IPO13: variants seen among roughly 807,000 people sequenced by gnomAD.
IPO13 encodes the protein importin 13.
In IPO13, 28 loss-of-function variants were observed where a neutral mutation model predicts 115.5. The observed-to-expected ratio is 0.24, with a 90% CI of 0.18 to 0.33. IPO13 has a LOEUF of 0.33. Among genes scored for constraint, IPO13 ranks in the 10% least tolerant of loss-of-function variants. IPO13 has a pLI of 1.00. For synonymous variants in IPO13, 414 were observed against 478.9 expected (o/e 0.86, Z 1.77); for missense variants, 785 against 1,204.6 (o/e 0.65, Z 5.16).
chr1:43,961,074 C>T (rs550152634), intron 13 of IPO13, 61 bp downstream of exon 13: 10 of 1,610,328 alleles, frequency 6.2e-6, no homozygotes, highest in African/African-American at 5.3e-5. Flanking sequence ...AGATGGCTGC[C>T]GTGGCTGGGG....
In IPO13 at chr1:43,949,825, G is replaced by T. The variant is rs770761423; in HGVS notation, c.493G>T (p.Ala165Ser). Residue 165 changes from alanine (A) to serine (S), a missense_variant, in exon 2 of 20, where the codon GCC becomes TCC. By Grantham distance (99) the Ala-to-Ser change is moderately conservative (BLOSUM62 1). This residue lies in a region of IPO13 where 325 missense variants were observed against 449.8 expected (regional missense o/e 0.72). Transcript: ENST00000372343. ...SPVDGQGRCL[A>S]LLELLTVLPE... The stretch of plus-strand genomic sequence containing the variant: ...AGTGGATGGGCAGGGCCGCTGCCTA[G>T]CCCTGTTAGAGCTGCTGACAGTGCT... 1 of 1,613,690 alleles carries T rather than the reference G, an allele frequency of 6.2e-7. No homozygotes were observed. Among genetic ancestry groups the T allele is most frequent in the Non-Finnish European group, 8.5e-7 (1 of 1,179,970 alleles).
Position 43,966,083 on chromosome 1 carries a change from G to C in IPO13, c.2398-492G>C, listed in dbSNP as rs2154302460. ...CCTGCTGTACTTTTCTTCTTTTTGA[G>C]CAGGAGCTGGAGGGTGCCTCAGGAA... On this transcript the variant is annotated intron_variant, in intron 15 of 19. Transcript: ENST00000372343. This position sits in a 1 kb window ranked among gnomAD's most constrained non-coding sequence, Gnocchi z 4.1. 5.1e-6 allele frequency: 1 copy of C among 194,760 alleles called. No individual in the cohort carries two copies. The highest frequency in any genetic ancestry group is 9.2e-5 in the South Asian group (1 of 10,908). 12.1% of individuals were successfully genotyped at this position (194,760 alleles called of 1,614,324 possible).
rs945141242 is a variant in IPO13 at position 43,952,824 on chromosome 1, C to T, written c.821+2671C>T. ...GCATGGTTCCTATATACTCTGTAAA[C>T]GGCAGTTGCCAGTATTTGGTTTCAT... On this transcript the variant is annotated intron_variant, in intron 2 of 19. Coordinates refer to ENST00000372343, the MANE Select transcript of IPO13 (RefSeq NM_014652.4). The surrounding 1 kb of genome is among the most constrained non-coding windows in gnomAD (Gnocchi z 4.7). 3.9e-5 allele frequency among the ~76,000 whole-genome samples: 6 copies of T among 152,144 alleles called. No individual in the cohort carries two copies. The highest frequency in any genetic ancestry group is 1.4e-4 in the African/African-American group (6 of 41,426).
rs1489382590 is a variant in IPO13 at position 43,958,848 on chromosome 1, C to T, written c.1987C>T (p.Pro663Ser). 1.9e-6 allele frequency: 3 copies of T among 1,614,078 alleles called. No homozygotes were observed. Among genetic ancestry groups the T allele is most frequent in the South Asian group, 2.2e-5 (2 of 91,080 alleles). Residue 663 changes from proline to serine, a missense_variant, in exon 11 of 20, where the codon CCT becomes TCT. Pro to Ser is a moderately conservative substitution (Grantham distance 74). Around this residue, in one of 3 missense-constraint regions of IPO13, gnomAD observed 285 missense variants for 394.8 expected, o/e 0.72. Coordinates refer to ENST00000372343, the MANE Select transcript of IPO13 (RefSeq NM_014652.4). The surrounding 1 kb of genome is among the most constrained non-coding windows in gnomAD (Gnocchi z 6.3). ...ISHHEDDHEGPELRKLPVPQG... is the reference protein window; with the variant it reads ...ISHHEDDHEGSELRKLPVPQG... ...TCATCATGAGGATGATCATGAAGGCCCTGAGCTTCGGAAGCTGCCAGTGCC... is the reference window on the plus strand; with the variant it reads ...TCATCATGAGGATGATCATGAAGGCTCTGAGCTTCGGAAGCTGCCAGTGCC...
chr1:43,957,657 C>T (rs538154313), intron 7 of IPO13, 108 bp downstream of exon 7: 1 of 1,352,256 alleles, frequency 7.4e-7, no homozygotes, highest in East Asian at 2.3e-5. Context: ...CACATGCCTA[C>T]ACACAATCAG....
At chr1:43,960,390 G>C in intron 12 of IPO13, 61 bp downstream of exon 12, 2 of 1,406,112 alleles carry the variant, frequency 1.4e-6, no homozygotes, top group East Asian at 4.6e-5. Context: ...AGCAGGGTAA[G>C]ATGTTACTGC....
intron 15 of IPO13, 84 bp downstream of exon 15, chr1:43,964,405 A>G: frequency 2.5e-6 from 3 of 1,220,554 alleles, no homozygotes; most frequent in Non-Finnish European, 2.3e-6. Context: ...GCCTATTTTT[A>G]GCTTTCTGTT....
Position 43,967,475 on chromosome 1 carries a change from C to A in IPO13, c.2774C>A (p.Thr925Asn), listed in dbSNP as rs200760761. The A allele has an allele frequency of 4.0e-5, 64 of 1,614,046 alleles. No homozygotes were observed. The highest frequency in any genetic ancestry group is 1.6e-4 in the Middle Eastern group (1 of 6,084). Reference sequence around the variant, plus strand: ...CGCCTCAGCCCTGAACAGAAGGATACCTTCAGCCAGCAGATCCTTCGGTGA... The same window carrying A: ...CGCCTCAGCCCTGAACAGAAGGATAACTTCAGCCAGCAGATCCTTCGGTGA... Reference protein sequence around the residue: ...SARLSPEQKDTFSQQILRERV... With the variant: ...SARLSPEQKDNFSQQILRERV... Residue 925 changes from threonine to asparagine, a missense_variant, in exon 19 of 20, where the codon ACC becomes AAC. By Grantham distance (65) the Thr-to-Asn change is moderately conservative. Coordinates refer to ENST00000372343, the MANE Select transcript of IPO13 (RefSeq NM_014652.4). This position sits in a 1 kb window ranked among gnomAD's most constrained non-coding sequence, Gnocchi z 6.1.
chr1:43,957,869 G>A lies in IPO13; in HGVS notation c.1541-108G>A, dbSNP rs60537406. ...TCCTCTGAATGGGGCAGTACTCTGTGCTGGGGCTGCAACTTGACCCTGCCA... is the reference window on the plus strand; with the variant it reads ...TCCTCTGAATGGGGCAGTACTCTGTACTGGGGCTGCAACTTGACCCTGCCA... On this transcript the variant is annotated intron_variant, in intron 7 of 19. Transcript: ENST00000372343. 8,586 of 1,045,882 alleles carry A rather than the reference G, an allele frequency of 8.2e-3. 497 individuals carry two copies. The African/African-American group carries it at 0.12, about 15-fold the overall frequency. 64.8% of individuals were successfully genotyped at this position (1,045,882 alleles called of 1,614,324 possible).
chr1:43,949,506 C>T lies in IPO13; in HGVS notation c.174C>T (p.Ala58=), dbSNP rs771295587. 4 of 1,614,190 alleles carry T rather than the reference C, an allele frequency of 2.5e-6. No individual in the cohort carries two copies. Among genetic ancestry groups the T allele is most frequent in the South Asian group, 1.1e-5 (1 of 91,086 alleles). The change falls in exon 2 of 20, where the codon GCC becomes GCT. Residue 58 remains alanine (A), a synonymous_variant. Coordinates refer to ENST00000372343, the MANE Select transcript of IPO13 (RefSeq NM_014652.4). ...TGCAGGCCCAGGTCTCCCCACAGGC[C>T]TGGCACTTCAGCTGGCAGCTACTGC... The part of the protein sequence containing the change: ...WLMQAQVSPQ[A]WHFSWQLLQP...
rs1178295108 is a variant in IPO13 at position 43,949,990 on chromosome 1, C to A, written c.658C>A (p.Gln220Lys). The A allele has an allele frequency of 6.2e-7, 1 of 1,612,534 alleles. No homozygotes were observed. Among genetic ancestry groups the A allele is most frequent in the Non-Finnish European group, 8.5e-7 (1 of 1,179,742 alleles). Reference protein sequence around the residue: ...QQPSSPSCVRQKVLKCFSSWV... With the variant: ...QQPSSPSCVRKKVLKCFSSWV... ...GCCCAGCTCACCCAGCTGTGTGCGT[C>A]AGAAGGTGCTCAAGTGTTTCTCCAG... The change falls in exon 2 of 20, where the codon CAG (glutamine) becomes AAG (lysine). Residue 220 changes from glutamine (Q) to lysine (K), a missense_variant. By Grantham distance (53) the Gln-to-Lys change is moderately conservative (BLOSUM62 1). Coordinates refer to ENST00000372343, the MANE Select transcript of IPO13 (RefSeq NM_014652.4).
Position 43,947,126 on chromosome 1 carries a change from A to T in IPO13, c.-475A>T. On this transcript the variant is annotated 5_prime_UTR_variant, in exon 1 of 20. Coordinates refer to ENST00000372343, the MANE Select transcript of IPO13 (RefSeq NM_014652.4). The stretch of plus-strand genomic sequence containing the variant: ...TCCGCGCTTCGTTGGACGCCTCCGT[A>T]ACCACGAAGGGCTCTCTCTCTCCCG... 1 of 398,948 alleles carries T rather than the reference A, an allele frequency of 2.5e-6. No homozygotes were observed. The highest frequency in any genetic ancestry group is 4.4e-6 in the Non-Finnish European group (1 of 226,334). 24.7% of individuals were successfully genotyped at this position (398,948 alleles called of 1,614,324 possible). A position where few individuals can be genotyped will look rare whatever the true frequency, so the allele number is the denominator to read the frequency against.
intron 1 of IPO13, among the ~76,000 whole-genome samples, chr1:43,948,521 G>A (rs1287395063): frequency 6.6e-6 from 1 of 152,216 alleles, no homozygotes; most frequent in Non-Finnish European, 1.5e-5. Flanking sequence ...TGCCTGCTTT[G>A]GCGTCCCTGA....
chr1:43,963,714 C>T (rs2085304378), intron 14 of IPO13, among the ~76,000 whole-genome samples: 1 of 152,210 alleles, frequency 6.6e-6, no homozygotes. Flanking sequence ...AGATTATTTT[C>T]CTTTGCCAGA....
intron 2 of IPO13, among the ~76,000 whole-genome samples, chr1:43,953,652 C>G (rs990646683): frequency 2.6e-5 from 4 of 152,242 alleles, no homozygotes; most frequent in Non-Finnish European, 4.4e-5. Flanking sequence ...AGCTTGCACT[C>G]AAGTCACCCT....
chr1:43,949,658 T>A lies in IPO13; in HGVS notation c.326T>A (p.Ile109Asn), dbSNP rs779307238. The A allele has an allele frequency of 6.2e-7, 1 of 1,614,204 alleles. No individual in the cohort carries two copies. Among genetic ancestry groups the A allele is most frequent in the Non-Finnish European group, 8.5e-7 (1 of 1,180,034 alleles). The change falls in exon 2 of 20, where the codon ATC (isoleucine) becomes AAC (asparagine). Residue 109 changes from isoleucine (I) to asparagine (N), a missense_variant. Ile to Asn is a moderately radical substitution (Grantham distance 149). Around this residue, in one of 3 missense-constraint regions of IPO13, gnomAD observed 325 missense variants for 449.8 expected, o/e 0.72. Coordinates refer to ENST00000372343, the MANE Select transcript of IPO13 (RefSeq NM_014652.4). The part of the protein sequence containing the change: ...ESLKAQLFTQ[I>N]TRFASGSKIV... ...CTAAAGGCACAGCTCTTCACCCAGA[T>A]CACCCGCTTTGCCAGTGGCTCCAAG...
chr1:43,948,010 C>T (rs904262195), intron 1 of IPO13, among the ~76,000 whole-genome samples: 1 of 152,230 alleles, frequency 6.6e-6, no homozygotes, highest in African/African-American at 2.4e-5. Flanking sequence ...ACTGGGAACC[C>T]AGGAGACCTG....
rs2085305866 is a variant in IPO13 at position 43,963,945 on chromosome 1, G to C, written c.2345-324G>C. ...CAACCTGCCAGAGGCCACAGTAAGT[G>C]TGGTGGCCGTTTCTTCAGCTATATG... On this transcript the variant is annotated intron_variant, in intron 14 of 19. Coordinates refer to ENST00000372343, the MANE Select transcript of IPO13 (RefSeq NM_014652.4). 2.0e-5 allele frequency among the ~76,000 whole-genome samples: 3 copies of C among 152,222 alleles called. No individual in the cohort carries two copies. The South Asian group carries it at 6.2e-4, about 31-fold the overall frequency.
chr1:43,949,414 C>T lies in IPO13; in HGVS notation c.85-3C>T. The T allele has an allele frequency of 1.9e-6, 3 of 1,594,476 alleles. No homozygotes were observed. Among genetic ancestry groups the T allele is most frequent in the Non-Finnish European group, 2.6e-6 (3 of 1,169,418 alleles). ...ACCTGCTCAGTCCTGTGCTGTCCTG[C>T]AGGCGCTGCACCAGCTCTACTATGA... On this transcript the variant is annotated splice_region_variant and splice_polypyrimidine_tract_variant and intron_variant, in intron 1 of 19. Transcript: ENST00000372343.
Sources: allele counts gnomAD v4.1 joint callset (sites outside exome capture counted in the v4.1 genomes callset), GRCh38; gene constraint gnomAD v4.1.1; regional missense constraint gnomAD v4.1.1; non-coding constraint Gnocchi (gnomAD v3.1); transcripts MANE v1.5; gene names NCBI Gene and HGNC (gene_info 2026-07-23, HGNC 2026-07-21).